PTCHD4: variants seen among roughly 807,000 people sequenced by gnomAD.
The protein encoded by PTCHD4 is patched domain-containing protein 4.
In PTCHD4, 33 loss-of-function variants were observed where a neutral mutation model predicts 58.1. The observed-to-expected ratio is 0.57, with a 90% CI of 0.43 to 0.76. PTCHD4 has a LOEUF of 0.76. Among genes scored for constraint, PTCHD4 ranks in the 30% least tolerant of loss-of-function variants. The probability of loss-of-function intolerance (pLI) is 0.00; values close to 1 mark genes in which losing one functional copy is unlikely to be tolerated. For synonymous variants in PTCHD4, 478 were observed against 409.6 expected (o/e 1.17, Z -2.02); for missense variants, 1,058 against 1,027.1 (o/e 1.03, Z -0.41).
In PTCHD4 at chr6:47,870,176, A is replaced by G. The variant is rs1174257967; in HGVS notation, c.*8127T>C. Among the ~76,000 whole-genome samples the G allele has an allele frequency of 6.6e-6, 1 of 151,742 alleles. No homozygotes were observed. The highest frequency in any genetic ancestry group is 2.4e-5 in the African/African-American group (1 of 41,408). On this transcript the variant is annotated 3_prime_UTR_variant, in exon 5 of 5. Coordinates refer to ENST00000339488, the MANE Select transcript of PTCHD4 (RefSeq NM_001384253.1). ...CCAGAAATGCTGTTTAACTTTGCCT[A>G]GTGGCACTGTAGTAAATATGATTTT...
At chr6:47,886,882 G>T (rs1034128807) in intron 4 of PTCHD4, among the ~76,000 whole-genome samples, 19 of 152,120 alleles carry the variant, frequency 1.2e-4, no homozygotes, top group Admixed American at 2.6e-4. Flanking sequence ...CTACTCACCC[G>T]CATTCCACCA....
chr6:48,000,040 G>A (rs1419507764), intron 4 of PTCHD4, among the ~76,000 whole-genome samples: 2 of 152,110 alleles, frequency 1.3e-5, no homozygotes, highest in Non-Finnish European at 2.9e-5. Context: ...CTGAGGTAAG[G>A]CTGTTACAAA....
Position 47,877,559 on chromosome 6 carries a change from A to G in PTCHD4, c.*744T>C, listed in dbSNP as rs1274825556. On this transcript the variant is annotated 3_prime_UTR_variant, in exon 5 of 5. Coordinates refer to ENST00000339488, the MANE Select transcript of PTCHD4 (RefSeq NM_001384253.1). ...ACTGCTGACATGATATGCATAATCT[A>G]ATGAACTCACATCTCTGTTTATTTT... 1.3e-5 allele frequency among the ~76,000 whole-genome samples: 2 copies of G among 152,068 alleles called. No individual in the cohort carries two copies. The highest frequency in any genetic ancestry group is 2.9e-5 in the Non-Finnish European group (2 of 67,974).
intron 3 of PTCHD4, among the ~76,000 whole-genome samples, chr6:48,042,526 A>T (rs1274065122): frequency 6.6e-6 from 1 of 152,056 alleles, no homozygotes; most frequent in Non-Finnish European, 1.5e-5. Context: ...CCCTGCTCCC[A>T]ATAAAATAAG....
intron 4 of PTCHD4, among the ~76,000 whole-genome samples, chr6:48,007,940 A>G (rs201861848): frequency 0.058 from 1,202 of 20,554 alleles, 21 homozygotes; most frequent in African/African-American, 0.25. Flanking sequence ...GCGCGCGCAC[A>G]CACACACACA....
At chr6:48,065,714 G>A (rs1764771234) in intron 3 of PTCHD4, among the ~76,000 whole-genome samples, 1 of 152,102 alleles carries the variant, frequency 6.6e-6, no homozygotes, top group Admixed American at 6.5e-5. Context: ...ACACTTGAGA[G>A]GGCCCATTGC....
intron 4 of PTCHD4, among the ~76,000 whole-genome samples, chr6:47,983,352 T>C (rs1767953055): frequency 6.6e-6 from 1 of 152,198 alleles, no homozygotes; most frequent in African/African-American, 2.4e-5. Context: ...TTATGCAGGG[T>C]TCAAACTATG....
chr6:47,958,054 G>A (rs1766940687), intron 4 of PTCHD4, among the ~76,000 whole-genome samples: 2 of 152,184 alleles, frequency 1.3e-5, no homozygotes, highest in African/African-American at 4.8e-5. Flanking sequence ...GCTACTGATA[G>A]AAAATGTGAT....
In PTCHD4 at chr6:47,868,346, A is replaced by T. The variant is rs1472871393; in HGVS notation, c.*9957T>A. Among the ~76,000 whole-genome samples, 1 of 151,708 alleles carries T rather than the reference A, an allele frequency of 6.6e-6. No individual in the cohort carries two copies. Among genetic ancestry groups the T allele is most frequent in the Non-Finnish European group, 1.5e-5 (1 of 67,804 alleles). On this transcript the variant is annotated 3_prime_UTR_variant, in exon 5 of 5. Coordinates refer to ENST00000339488, the MANE Select transcript of PTCHD4 (RefSeq NM_001384253.1). Reference sequence around the variant, plus strand: ...CCAACAAACTTGAAATTCTTCCTTTATATGGGGCCTTATTATTGTGTAACT... The same window carrying T: ...CCAACAAACTTGAAATTCTTCCTTTTTATGGGGCCTTATTATTGTGTAACT...
intron 4 of PTCHD4, among the ~76,000 whole-genome samples, chr6:48,003,741 A>C (rs1264658927): frequency 6.6e-6 from 1 of 152,178 alleles, no homozygotes; most frequent in East Asian, 1.9e-4. Flanking sequence ...GTCCTATATG[A>C]CCTGACCCAA....
chr6:47,956,564 G>T (rs540265403), intron 4 of PTCHD4, among the ~76,000 whole-genome samples: 2 of 151,910 alleles, frequency 1.3e-5, no homozygotes, highest in Non-Finnish European at 2.9e-5. Context: ...CTCCCAAGTA[G>T]CTGGGACTAC....
chr6:48,098,474 G>A (rs1218108716), intron 1 of PTCHD4, among the ~76,000 whole-genome samples: 2 of 152,074 alleles, frequency 1.3e-5, no homozygotes, highest in Middle Eastern at 3.4e-3. Context: ...GAGTAGCTGG[G>A]ATTACAGGTG....
intron 4 of PTCHD4, among the ~76,000 whole-genome samples, chr6:48,006,418 C>T (rs768618684): frequency 6.6e-6 from 1 of 152,142 alleles, no homozygotes; most frequent in Non-Finnish European, 1.5e-5. Flanking sequence ...CTGGTAAATG[C>T]TTTCATTACC....
chr6:48,061,740 G>T (rs1044585170), intron 3 of PTCHD4, among the ~76,000 whole-genome samples: 2 of 152,156 alleles, frequency 1.3e-5, no homozygotes, highest in East Asian at 1.9e-4. Flanking sequence ...ATGCAATTTG[G>T]CATGCTTTTA....
chr6:47,956,425 GT>G (rs946187475), intron 4 of PTCHD4, among the ~76,000 whole-genome samples: 14 of 148,856 alleles, frequency 9.4e-5, no homozygotes, highest in Non-Finnish European at 1.3e-4. Context: ...AGAGAGTATG[GT>G]TTTTTTTTTA....
intron 3 of PTCHD4, among the ~76,000 whole-genome samples, chr6:48,030,984 T>C (rs1241688431): frequency 6.6e-5 from 10 of 152,146 alleles, no homozygotes; most frequent in Admixed American, 1.3e-4. Flanking sequence ...AATGGACTTA[T>C]GTTGTTCCAA....
At chr6:47,908,819 G>A (rs570464513) in intron 4 of PTCHD4, among the ~76,000 whole-genome samples, 161 of 152,190 alleles carry the variant, frequency 1.1e-3, no homozygotes, top group African/African-American at 3.8e-3. Context: ...TAACTATTAT[G>A]AAATATTCAT....
At chr6:47,995,031 C>T (rs1325709) in intron 4 of PTCHD4, among the ~76,000 whole-genome samples, 23,266 of 152,128 alleles carry the variant, frequency 0.15, 1,984 homozygotes, top group South Asian at 0.29. Flanking sequence ...GATGGTCACT[C>T]TCTGAGGATT....
chr6:48,001,135 T>C (rs954935075), intron 4 of PTCHD4, among the ~76,000 whole-genome samples: 6 of 152,214 alleles, frequency 3.9e-5, no homozygotes, highest in Non-Finnish European at 8.8e-5. Context: ...GAACATTCCA[T>C]GCTCATGGAT....
Sources: allele counts gnomAD v4.1 joint callset (sites outside exome capture counted in the v4.1 genomes callset), GRCh38; gene constraint gnomAD v4.1.1; transcripts MANE v1.5; gene names NCBI Gene and HGNC (gene_info 2026-07-23, HGNC 2026-07-21).